GAL: variants seen among roughly 807,000 people sequenced by gnomAD.
The protein encoded by GAL is galanin and GMAP prepropeptide.
In GAL, 14 loss-of-function variants were observed where a neutral mutation model predicts 15.8. The ratio of observed to expected loss-of-function variants is 0.89; its 90% CI spans 0.59 to 1.39. GAL has a LOEUF of 1.39. Ranked by LOEUF, GAL falls within the 40% of genes most tolerant of loss-of-function variation. GAL has a pLI of 0.00. For missense variants in GAL, 176 were observed against 170.4 expected, an observed-to-expected ratio of 1.03 and a Z score of -0.18; for synonymous variants, 79 against 73.8, an observed-to-expected ratio of 1.07 and a Z score of -0.36.
rs1945880440 is a variant in GAL, at chr11:68,688,946, C to T, written c.301+20C>T. 10 of 1,102,250 alleles carry T rather than the reference C, an allele frequency of 9.1e-6. No individual in the cohort carries two copies. The highest frequency in any genetic ancestry group is 1.4e-5 in the Non-Finnish European group (10 of 713,446). 68.3% of individuals were successfully genotyped at this position (1,102,250 alleles called of 1,614,324 possible). On this transcript the variant is annotated intron_variant, in intron 5 of 5. Transcript: ENST00000265643. ...TCAAAGGTATGTGAAATATCATCAA[C>T]TTAACATTCATCTCTTAGTACACTG...
Position 68,685,635 on chromosome 11 carries a change from C to A in GAL, c.123C>A (p.Tyr41Ter). 2 of 1,613,058 alleles carry A rather than the reference C, an allele frequency of 1.2e-6. No homozygotes were observed. The highest frequency in any genetic ancestry group is 2.2e-5 in the South Asian group (2 of 91,032). Residue 41 changes from tyrosine to a stop codon, truncating the protein, a stop_gained, in exon 3 of 6, where the codon TAC becomes TAA. Coordinates refer to ENST00000265643, the MANE Select transcript of GAL (RefSeq NM_015973.5). LOFTEE classifies it high-confidence loss of function. ...KRGWTLNSAG[Y>*]LLGPHAVGNH... The stretch of plus-strand genomic sequence containing the variant: ...GCTGGACCCTGAACAGCGCGGGCTA[C>A]CTGCTGGGCCCACGTAAGTGACTGA...
chr11:68,688,412 T>C (rs929599299), intron 4 of GAL, among the ~76,000 whole-genome samples: 4 of 152,202 alleles, frequency 2.6e-5, no homozygotes, highest in Non-Finnish European at 4.4e-5. Flanking sequence ...GTGGATCACC[T>C]GAGGTCTGGA....
At chr11:68,685,326 A>T (rs1164448658) in intron 2 of GAL, among the ~76,000 whole-genome samples, 1 of 152,262 alleles carries the variant, frequency 6.6e-6, no homozygotes, top group Non-Finnish European at 1.5e-5. Flanking sequence ...GCTAGGAGCC[A>T]CTGGCGTGGC....
intron 3 of GAL, among the ~76,000 whole-genome samples, chr11:68,687,577 G>C (rs1476879909): frequency 6.6e-6 from 1 of 152,022 alleles, no homozygotes; most frequent in Non-Finnish European, 1.5e-5. Flanking sequence ...ATCAGATTCA[G>C]TCACAACTTA....
rs185262938 is a variant in GAL at position 68,689,053 on chromosome 11, T to C, written c.301+127T>C. On this transcript the variant is annotated intron_variant, in intron 5 of 5. Transcript: ENST00000265643. ...GATTACTTATCTACGTACAAAGTCCTGTTTGGCTGTGTGTCGGGATAACAG... is the reference window on the plus strand; with the variant it reads ...GATTACTTATCTACGTACAAAGTCCCGTTTGGCTGTGTGTCGGGATAACAG... 6.3e-3 allele frequency: 4,014 copies of C among 634,574 alleles called. 22 individuals are homozygous for C. Among genetic ancestry groups the C allele is most frequent in the Middle Eastern group, 0.018 (71 of 3,954 alleles). 39.3% of individuals were successfully genotyped at this position (634,574 alleles called of 1,614,324 possible).
At chr11:68,685,402 T>A (rs1486854423) in intron 2 of GAL, among the ~76,000 whole-genome samples, 192 bp from the exon 3 acceptor site, 1 of 152,218 alleles carries the variant, frequency 6.6e-6, no homozygotes, top group Non-Finnish European at 1.5e-5. Flanking sequence ...AAGTGAAGTA[T>A]TTCGTAAATA....
intron 3 of GAL, among the ~76,000 whole-genome samples, chr11:68,687,656 C>A (rs1477017465): frequency 6.6e-6 from 1 of 152,238 alleles, no homozygotes; most frequent in East Asian, 1.9e-4. Context: ...CAGGGAGTCA[C>A]CCAGTTTGAT....
chr11:68,686,822 C>T (rs1945857764), intron 3 of GAL, among the ~76,000 whole-genome samples: 1 of 152,282 alleles, frequency 6.6e-6, no homozygotes, highest in East Asian at 1.9e-4. Flanking sequence ...TTGTGTGCTA[C>T]GGGCCCAAAA....
chr11:68,685,517 G>T, intron 2 of GAL, 77 bp from the exon 3 acceptor site: 1 of 985,820 alleles, frequency 1.0e-6, no homozygotes, highest in South Asian at 1.3e-5. Flanking sequence ...CTGCCATGCC[G>T]GGAAAGCCTG....
intron 5 of GAL, 84 bp downstream of exon 5, chr11:68,689,010 TC>T (rs1379636429): frequency 4.1e-6 from 3 of 730,752 alleles, no homozygotes; most frequent in African/African-American, 3.5e-5. Flanking sequence ...ACCCATAGAA[TC>T]CCCCTGGGAA....
At chr11:68,687,086 C>A (rs1229341974) in intron 3 of GAL, among the ~76,000 whole-genome samples, 1 of 152,206 alleles carries the variant, frequency 6.6e-6, no homozygotes, top group Admixed American at 6.5e-5. Context: ...GCAGTGTGGC[C>A]GTGGCTGAGG....
intron 4 of GAL, 121 bp downstream of exon 4, chr11:68,688,221 TTGAC>T (rs1236876966): frequency 2.9e-6 from 2 of 687,778 alleles, no homozygotes; most frequent in Non-Finnish European, 2.6e-6. Context: ...TGGCCATGAC[TTGAC>T]TAAGACGATG....
At position 68,691,055 on chromosome 11, in the gene GAL, T is replaced by C; in HGVS notation, c.*68T>C. On this transcript the variant is annotated 3_prime_UTR_variant, in exon 6 of 6. Transcript: ENST00000265643. The stretch of plus-strand genomic sequence containing the variant: ...CAAACCTTAAGATAATGGATAATCT[T>C]CGGCCAATTTATGCAGAGTCAGCCA... 1.0e-6 allele frequency: 1 copy of C among 973,828 alleles called. No individual in the cohort carries two copies. The highest frequency in any genetic ancestry group is 1.7e-6 in the Non-Finnish European group (1 of 599,578). 60.3% of individuals were successfully genotyped at this position (973,828 alleles called of 1,614,324 possible).
At chr11:68,690,264 C>T (rs962820826) in intron 5 of GAL, among the ~76,000 whole-genome samples, 1 of 152,076 alleles carries the variant, frequency 6.6e-6, no homozygotes, top group Non-Finnish European at 1.5e-5. Flanking sequence ...AGGGATGGAC[C>T]GTTAGCCTCT....
At chr11:68,685,138 T>G in intron 2 of GAL, 134 bp downstream of exon 2, 1 of 641,270 alleles carries the variant, frequency 1.6e-6, no homozygotes, top group Non-Finnish European at 2.7e-6. Flanking sequence ...GGCGCTGTCC[T>G]GGCTGCGGGC....
At position 68,684,970 on chromosome 11, in the gene GAL, C is replaced by G; in HGVS notation, c.47C>G (p.Ala16Gly). ...ALLLASLLLA[A>G]ALSASAGLWS... ...CTGCTCGCCTCCCTCCTCCTCGCCG[C>G]GGCCCTTTCTGCCTCTGCGGGGCTC... The change falls in exon 2 of 6, where the codon GCG (alanine) becomes GGG (glycine). Residue 16 changes from alanine (A) to glycine (G), a missense_variant. By Grantham distance (60) the Ala-to-Gly change is moderately conservative. Coordinates refer to ENST00000265643, the MANE Select transcript of GAL (RefSeq NM_015973.5). 1.2e-6 allele frequency: 2 copies of G among 1,608,594 alleles called. No individual in the cohort carries two copies. The highest frequency in any genetic ancestry group is 1.7e-6 in the Non-Finnish European group (2 of 1,177,828).
At chr11:68,687,841 C>T (rs963542390) in intron 3 of GAL, among the ~76,000 whole-genome samples, 173 bp from the exon 4 acceptor site, 8 of 152,208 alleles carry the variant, frequency 5.3e-5, no homozygotes, top group Non-Finnish European at 1.2e-4. Flanking sequence ...AAGCTCTTAC[C>T]TCAGCTGGGT....
At chr11:68,689,335 TTCTC>T (rs753352426) in intron 5 of GAL, among the ~76,000 whole-genome samples, 1 of 152,126 alleles carries the variant, frequency 6.6e-6, no homozygotes, top group African/African-American at 2.4e-5. Flanking sequence ...TTTCTTTCTC[TTCTC>T]TCTTTTCTTT....
At chr11:68,686,245 C>T (rs563524083) in intron 3 of GAL, among the ~76,000 whole-genome samples, 3 of 152,166 alleles carry the variant, frequency 2.0e-5, no homozygotes, top group East Asian at 1.9e-4. Context: ...TCCCCGTGTC[C>T]GCCCCCGCCC....
Sources: gnomAD v4.1 joint callset for allele counts (sites outside exome capture counted in the v4.1 genomes callset) on GRCh38, gnomAD v4.1.1 for gene constraint, MANE v1.5 for transcripts, NCBI Gene and HGNC (gene_info 2026-07-23, HGNC 2026-07-21) for gene names.